HS6ST3: variants seen among roughly 807,000 people sequenced by gnomAD.
HS6ST3 encodes heparan-sulfate 6-O-sulfotransferase 3.
In HS6ST3, 12 loss-of-function variants were observed where a neutral mutation model predicts 36.7. The observed-to-expected ratio is 0.33, with a 90% CI of 0.21 to 0.53. The LOEUF (loss-of-function observed/expected upper bound fraction) is 0.53, where lower values mean the gene tolerates loss of function less well. Ranked by LOEUF, HS6ST3 falls within the 20% of genes least tolerant of loss-of-function variation. HS6ST3 has a pLI of 0.95. For synonymous variants in HS6ST3, 240 were observed against 257.5 expected (o/e 0.93, Z 0.65); for missense variants, 584 against 640.9 (o/e 0.91, Z 0.96).
At chr13:96,181,921 A>G (rs1218258377) in intron 1 of HS6ST3, among the ~76,000 whole-genome samples, 3 of 152,168 alleles carry the variant, frequency 2.0e-5, no homozygotes, top group African/African-American at 4.8e-5. Context: ...CGCAGTAGTT[A>G]GCTTTACTTA....
intron 1 of HS6ST3, among the ~76,000 whole-genome samples, chr13:96,761,119 CT>C (rs879894476): frequency 1.0e-3 from 147 of 143,042 alleles, no homozygotes; most frequent in Admixed American, 1.4e-3. Context: ...TTTTTTTTCA[CT>C]TTTTTTTTTT....
intron 1 of HS6ST3, among the ~76,000 whole-genome samples, chr13:96,744,468 T>C (rs1301129987): frequency 6.6e-6 from 1 of 152,052 alleles, no homozygotes; most frequent in African/African-American, 2.4e-5. Context: ...ACTAACACGA[T>C]ATTAATGGCT....
intron 1 of HS6ST3, among the ~76,000 whole-genome samples, chr13:96,220,901 G>A (rs1402377813): frequency 6.6e-6 from 1 of 152,030 alleles, no homozygotes; most frequent in African/African-American, 2.4e-5. Context: ...ATTGCATTAA[G>A]AAATTACTCA....
intron 1 of HS6ST3, among the ~76,000 whole-genome samples, chr13:96,165,540 T>C (rs1435271491): frequency 2.0e-5 from 3 of 152,220 alleles, no homozygotes; most frequent in Admixed American, 1.3e-4. Context: ...AAAATCTTAG[T>C]GGCTTGCAAC....
At chr13:96,764,915 T>G (rs1002816700) in intron 1 of HS6ST3, among the ~76,000 whole-genome samples, 5 of 152,192 alleles carry the variant, frequency 3.3e-5, no homozygotes, top group African/African-American at 1.2e-4. Flanking sequence ...GACTTTTGTC[T>G]TCTTAATTAT....
chr13:96,163,269 G>T (rs373651004), intron 1 of HS6ST3, among the ~76,000 whole-genome samples: 2 of 120,172 alleles, frequency 1.7e-5, no homozygotes, highest in Admixed American at 1.1e-4. Context: ...TCGCTCTGTC[G>T]CCCAGGCTGG....
chr13:96,601,942 G>C lies in HS6ST3; in HGVS notation c.708-230548G>C, dbSNP rs186596119. 1.2e-3 allele frequency among the ~76,000 whole-genome samples: 180 copies of C among 152,166 alleles called. 1 individual carries two copies. Among genetic ancestry groups the C allele is most frequent in the African/African-American group, 4.2e-3 (175 of 41,512 alleles). On this transcript the variant is annotated intron_variant, in intron 1 of 1. Transcript: ENST00000376705. Reference sequence around the variant, plus strand: ...TGCTGGTTATAGTAGTGATGTGCTGGGTGTGTGAGCAGGTTCACTGTCTCC... The same window carrying C: ...TGCTGGTTATAGTAGTGATGTGCTGCGTGTGTGAGCAGGTTCACTGTCTCC...
intron 1 of HS6ST3, among the ~76,000 whole-genome samples, chr13:96,282,742 C>CT (rs1352460847): frequency 6.6e-6 from 1 of 152,112 alleles, no homozygotes; most frequent in Non-Finnish European, 1.5e-5. Context: ...ATGCAGTAAC[C>CT]TGAAAGCAAA....
At chr13:96,620,611 G>A (rs1036504381) in intron 1 of HS6ST3, among the ~76,000 whole-genome samples, 9 of 152,092 alleles carry the variant, frequency 5.9e-5, no homozygotes, top group African/African-American at 1.9e-4. Flanking sequence ...TCCTCATTAC[G>A]CTTCACTTTT....
At chr13:96,610,891 C>G (rs1196991186) in intron 1 of HS6ST3, among the ~76,000 whole-genome samples, 5 of 150,908 alleles carry the variant, frequency 3.3e-5, no homozygotes, top group African/African-American at 4.9e-5. Flanking sequence ...CCCACAACTT[C>G]AGGCATATTG....
At chr13:96,677,275 G>C (rs938869560) in intron 1 of HS6ST3, among the ~76,000 whole-genome samples, 1 of 152,032 alleles carries the variant, frequency 6.6e-6, no homozygotes, top group Non-Finnish European at 1.5e-5. Context: ...TAAAATGTAA[G>C]ATAAAAATAC....
chr13:96,775,434 T>A (rs1321959492), intron 1 of HS6ST3, among the ~76,000 whole-genome samples: 1 of 147,054 alleles, frequency 6.8e-6, no homozygotes, highest in African/African-American at 2.7e-5. Flanking sequence ...ATTCAGGAGA[T>A]GCATCTCACG....
intron 1 of HS6ST3, among the ~76,000 whole-genome samples, chr13:96,466,386 A>G (rs9582049): frequency 0.019 from 2,866 of 152,300 alleles, 105 homozygotes; most frequent in African/African-American, 0.066. Context: ...GAACTTATTC[A>G]TCTTGCATCA....
chr13:96,415,627 T>C (rs1022071352), intron 1 of HS6ST3, among the ~76,000 whole-genome samples: 9 of 152,106 alleles, frequency 5.9e-5, no homozygotes, highest in Non-Finnish European at 1.2e-4. Context: ...AGACCTTTGA[T>C]TGGCTTTAGA....
chr13:96,654,390 G>T (rs913691824), intron 1 of HS6ST3, among the ~76,000 whole-genome samples: 1 of 152,102 alleles, frequency 6.6e-6, no homozygotes, highest in African/African-American at 2.4e-5. Flanking sequence ...TTTGCATAAG[G>T]TGTAAGGAAG....
intron 1 of HS6ST3, among the ~76,000 whole-genome samples, chr13:96,803,216 C>G (rs547315270): frequency 6.6e-6 from 1 of 152,228 alleles, no homozygotes; most frequent in East Asian, 1.9e-4. Flanking sequence ...ATTGTTCAGC[C>G]TATTTCAAGT....
intron 1 of HS6ST3, among the ~76,000 whole-genome samples, chr13:96,658,872 A>AT (rs961024923): frequency 6.6e-6 from 1 of 151,020 alleles, no homozygotes; most frequent in Non-Finnish European, 1.5e-5. Flanking sequence ...CACCCAGCTA[A>AT]TTTTTTTGTA....
intron 1 of HS6ST3, among the ~76,000 whole-genome samples, chr13:96,436,883 C>T (rs905651365): frequency 1.3e-5 from 2 of 152,060 alleles, no homozygotes; most frequent in Non-Finnish European, 2.9e-5. Context: ...ACTAATATAA[C>T]CCCTGTAGCA....
At chr13:96,539,340 CA>C (rs2056168745) in intron 1 of HS6ST3, among the ~76,000 whole-genome samples, 1 of 151,906 alleles carries the variant, frequency 6.6e-6, no homozygotes, top group Non-Finnish European at 1.5e-5. Context: ...AGCATTTGCA[CA>C]ACTCAGTTTG....
Sources: allele counts gnomAD v4.1 joint callset (sites outside exome capture counted in the v4.1 genomes callset), GRCh38; gene constraint gnomAD v4.1.1; transcripts MANE v1.5; gene names NCBI Gene and HGNC (gene_info 2026-07-23, HGNC 2026-07-21).